The following DPPA4 variants were observed in gnomAD, a reference collection of about 807,000 sequenced individuals.
The protein encoded by DPPA4 is developmental pluripotency associated 4.
In DPPA4, 22 loss-of-function variants were observed where a neutral mutation model predicts 33.7. That is an observed-to-expected ratio of 0.65 (90% CI 0.47 to 0.93). The LOEUF (loss-of-function observed/expected upper bound fraction) is 0.93, where lower values mean the gene tolerates loss of function less well. Among genes scored for constraint, DPPA4 ranks in the 40% least tolerant of loss-of-function variants. DPPA4 has a pLI of 0.00. For synonymous variants in DPPA4, 156 were observed against 132.3 expected, an observed-to-expected ratio of 1.18 and a Z score of -1.23; for missense variants, 340 against 358.6, an observed-to-expected ratio of 0.95 and a Z score of 0.42.
chr3:109,327,979 C>T lies in DPPA4; in HGVS notation c.*9G>A. The T allele has an allele frequency of 6.5e-7, 1 of 1,542,980 alleles. No homozygotes were observed. Among genetic ancestry groups the T allele is most frequent in the Non-Finnish European group, 9.0e-7 (1 of 1,116,644 alleles). ...TAATTACCATAGATGTGGCCTTTTT[C>T]CTGATATTCTATTCCCATTGGAGGC... On this transcript the variant is annotated 3_prime_UTR_variant, in exon 7 of 7. Transcript: ENST00000335658.
intron 5 of DPPA4, 125 bp from the exon 6 acceptor site, chr3:109,329,213 T>A: frequency 1.3e-6 from 1 of 799,948 alleles, no homozygotes; most frequent in Non-Finnish European, 2.0e-6. Flanking sequence ...AATCCTAACT[T>A]AACCTCTTCT....
In DPPA4 at chr3:109,327,833, T is replaced by C. The variant is rs557843896; in HGVS notation, c.*155A>G. On this transcript the variant is annotated 3_prime_UTR_variant, in exon 7 of 7. Coordinates refer to ENST00000335658, the MANE Select transcript of DPPA4 (RefSeq NM_018189.4). ...CCACTCACAAAGCAACAGGCACTGC[T>C]AGGGGTCTTAGGCTAACATCTGCCA... 29 of 602,264 alleles carry C rather than the reference T, an allele frequency of 4.8e-5. No individual in the cohort carries two copies. The highest frequency in any genetic ancestry group is 4.5e-4 in the African/African-American group (24 of 53,418). 37.3% of individuals were successfully genotyped at this position (602,264 alleles called of 1,614,324 possible).
Position 109,331,923 on chromosome 3 carries a change from C to T in DPPA4, c.287G>A (p.Arg96Gln), listed in dbSNP as rs767191551. The T allele has an allele frequency of 7.4e-6, 12 of 1,613,974 alleles. No individual in the cohort carries two copies. Among genetic ancestry groups the T allele is most frequent in the African/African-American group, 2.7e-5 (2 of 74,892 alleles). ...TTGGCACCAGGCCCGCAGAATGTCC[C>T]GGTGAATCAGATTAACAGGTGGCAG... Reference protein sequence around the residue: ...SKLPPVNLIHRDILRAWCQQL... With the variant: ...SKLPPVNLIHQDILRAWCQQL... Residue 96 changes from arginine (R) to glutamine (Q), a missense_variant, in exon 3 of 7, where the codon CGG (arginine) becomes CAG (glutamine). Transcript: ENST00000335658.
At chr3:109,334,067 C>T in intron 1 of DPPA4, 74 bp from the exon 2 acceptor site, 1 of 1,562,842 alleles carries the variant, frequency 6.4e-7, no homozygotes, top group Non-Finnish European at 8.7e-7. Flanking sequence ...CTCAAGATAA[C>T]TCACTTCTAA....
rs150888562 is a variant in DPPA4 at position 109,328,012 on chromosome 3, T to G, written c.891A>C (p.Leu297Phe). Residue 297 changes from leucine (L) to phenylalanine (F), a missense_variant, in exon 7 of 7, where the codon TTA (leucine) becomes TTC (phenylalanine). Coordinates refer to ENST00000335658, the MANE Select transcript of DPPA4 (RefSeq NM_018189.4). Reference sequence around the variant, plus strand: ...TCTATTCCCATTGGAGGCTTTTTATTAAGACCTTGTTCCTATAAAGCAAAT... The same window carrying G: ...TCTATTCCCATTGGAGGCTTTTTATGAAGACCTTGTTCCTATAAAGCAAAT... Reference protein sequence around the residue: ...CPKCVHRNKVLIKSLQWE With the variant: ...CPKCVHRNKVFIKSLQWE 1 of 1,538,116 alleles carries G rather than the reference T, an allele frequency of 6.5e-7. No homozygotes were observed. Among genetic ancestry groups the G allele is most frequent in the Non-Finnish European group, 9.0e-7 (1 of 1,111,678 alleles).
chr3:109,337,463 C>T lies in DPPA4; in HGVS notation c.54+1G>A, dbSNP rs1370892143. 1.2e-6 allele frequency: 2 copies of T among 1,613,634 alleles called. No individual in the cohort carries two copies. Among genetic ancestry groups the T allele is most frequent in the African/African-American group, 1.3e-5 (1 of 74,986 alleles). ...AACAAATCCACTAAAACTGTACTGA[C>T]CTCCTTGCCTTTTGCCTTCTCCATA... is the stretch of plus-strand genomic sequence containing the variant. On this transcript the variant is annotated splice_donor_variant, in intron 1 of 6. Transcript: ENST00000335658. LOFTEE classifies it high-confidence loss of function.
In DPPA4 at chr3:109,328,028, T is replaced by C; in HGVS notation, c.879-4A>G. 2.7e-6 allele frequency: 4 copies of C among 1,477,526 alleles called. No homozygotes were observed. The highest frequency in any genetic ancestry group is 1.7e-5 in the Admixed American group (1 of 58,420). 91.5% of individuals were successfully genotyped at this position (1,477,526 alleles called of 1,614,324 possible). A position where few individuals can be genotyped will look rare whatever the true frequency, so the allele number is the denominator to read the frequency against. ...GCTTTTTATTAAGACCTTGTTCCTA[T>C]AAAGCAAATAAAGTATTTGTTTTTA... On this transcript the variant is annotated splice_polypyrimidine_tract_variant and splice_region_variant and intron_variant, in intron 6 of 6. Coordinates refer to ENST00000335658, the MANE Select transcript of DPPA4 (RefSeq NM_018189.4).
intron 4 of DPPA4, among the ~76,000 whole-genome samples, chr3:109,331,502 C>CCACT (rs1215729932): frequency 7.8e-6 from 1 of 128,284 alleles, no homozygotes; most frequent in Non-Finnish European, 1.5e-5. Flanking sequence ...CGAGATGGTG[C>CCACT]CACTGCACTC....
At chr3:109,331,707 T>G (rs1419211658) in intron 4 of DPPA4, 27 bp downstream of exon 4, 1 of 1,611,648 alleles carries the variant, frequency 6.2e-7, no homozygotes, top group Non-Finnish European at 8.5e-7. Flanking sequence ...GGATAAGCAT[T>G]GAAACGTCCA....
chr3:109,334,778 A>G (rs370048693), intron 1 of DPPA4, among the ~76,000 whole-genome samples: 1 of 152,246 alleles, frequency 6.6e-6, no homozygotes. Flanking sequence ...CTCCAGCCAC[A>G]TAATTCCTTT....
At chr3:109,339,327 T>A (rs1481662463), upstream of DPPA4, among the ~76,000 whole-genome samples, 1 of 152,212 alleles carries the variant, frequency 6.6e-6, no homozygotes, top group Non-Finnish European at 1.5e-5. Flanking sequence ...ACTAGCTGTG[T>A]GACCTGGGCA....
At position 109,329,154 on chromosome 3, in the gene DPPA4, A is replaced by T. The variant is rs1007368292; in HGVS notation, c.680-66T>A. 2.1e-6 allele frequency: 3 copies of T among 1,400,512 alleles called. No homozygotes were observed. In the African/African-American group the frequency reaches 4.3e-5, roughly 20 times the overall value. The allele number at this position is 1,400,512 out of a possible 1,614,324, so 86.8% of individuals were successfully genotyped here. On this transcript the variant is annotated intron_variant, in intron 5 of 6. Transcript: ENST00000335658. ...GGATGACATACTGATGTAAGACTGCATTATGGCCCATCACCCTTGATTGAC... is the reference window on the plus strand; with the variant it reads ...GGATGACATACTGATGTAAGACTGCTTTATGGCCCATCACCCTTGATTGAC...
intron 2 of DPPA4, 122 bp downstream of exon 2, chr3:109,333,748 T>C: frequency 1.7e-6 from 2 of 1,200,380 alleles, no homozygotes; most frequent in Non-Finnish European, 2.4e-6. Context: ...TTGGCTTCCA[T>C]GAAGTGCAGG....
At position 109,327,812 on chromosome 3, in the gene DPPA4, T is replaced by A; in HGVS notation, c.*176A>T. The A allele has an allele frequency of 1.9e-6, 1 of 518,676 alleles. No homozygotes were observed. The allele number at this position is 518,676 out of a possible 1,614,324, so 32.1% of individuals were successfully genotyped here. On this transcript the variant is annotated 3_prime_UTR_variant, in exon 7 of 7. Coordinates refer to ENST00000335658, the MANE Select transcript of DPPA4 (RefSeq NM_018189.4). ...TAAATGTAAGAGTCTCTATCTCCAC[T>A]CACAAAGCAACAGGCACTGCTAGGG...
At chr3:109,335,898 A>G (rs1330738295) in intron 1 of DPPA4, among the ~76,000 whole-genome samples, 1 of 151,296 alleles carries the variant, frequency 6.6e-6, no homozygotes, top group Non-Finnish European at 1.5e-5. Flanking sequence ...CACGCCTGTA[A>G]TCCCGGCACT....
intron 5 of DPPA4, 200 bp from the exon 6 acceptor site, chr3:109,329,288 C>G: frequency 1.8e-6 from 1 of 562,800 alleles, no homozygotes; most frequent in Non-Finnish European, 3.2e-6. Flanking sequence ...GTAATCCCAG[C>G]ACTTTGGGAG....
chr3:109,338,119 G>T (rs1162297417), upstream of DPPA4, among the ~76,000 whole-genome samples: 1 of 152,122 alleles, frequency 6.6e-6, no homozygotes, highest in African/African-American at 2.4e-5. Flanking sequence ...GCAAGTGGGG[G>T]GGTCTGGCTA....
Position 109,327,755 on chromosome 3 carries a change from T to G in DPPA4, c.*233A>C, listed in dbSNP as rs1707969073. 6.9e-6 allele frequency: 3 copies of G among 432,140 alleles called. No homozygotes were observed. In the Admixed American group the frequency reaches 1.2e-4, roughly 17 times the overall value. The allele number at this position is 432,140 out of a possible 1,614,324, so 26.8% of individuals were successfully genotyped here. A position where few individuals can be genotyped will look rare whatever the true frequency, so the allele number is the denominator to read the frequency against. ...AGTTTTTCTACATATTAACTACAAT[T>G]TATGGTAATTTGTGAAATGTTTTTC... is the stretch of plus-strand genomic sequence containing the variant. On this transcript the variant is annotated 3_prime_UTR_variant, in exon 7 of 7. Coordinates refer to ENST00000335658, the MANE Select transcript of DPPA4 (RefSeq NM_018189.4).
chr3:109,331,558 A>G (rs1368294724), intron 4 of DPPA4, among the ~76,000 whole-genome samples, 176 bp downstream of exon 4: 1 of 148,414 alleles, frequency 6.7e-6, no homozygotes, highest in East Asian at 2.0e-4. Context: ...AAAAAAAAAA[A>G]AAAAAAAAAG....
Sources: allele counts gnomAD v4.1 joint callset (sites outside exome capture counted in the v4.1 genomes callset), GRCh38; gene constraint gnomAD v4.1.1; transcripts MANE v1.5; gene names NCBI Gene and HGNC (gene_info 2026-07-23, HGNC 2026-07-21).